MTMR6: variants seen among roughly 807,000 people sequenced by gnomAD.
MTMR6 encodes myotubularin related protein 6, also known as phosphatidylinositol-3,5-bisphosphate 3-phosphatase MTMR6.
A neutral mutation model predicts 80.1 loss-of-function variants in MTMR6; 47 were observed. The observed-to-expected ratio is 0.59, with a 90% CI of 0.46 to 0.75. The LOEUF is 0.75. Ranked by LOEUF, MTMR6 falls within the 30% of genes least tolerant of loss-of-function variation. The pLI is 0.00. For synonymous variants in MTMR6, 254 were observed against 253.0 expected (o/e 1.00, Z -0.04); for missense variants, 629 against 730.9 (o/e 0.86, Z 1.61).
At chr13:25,257,390 TAC>T in intron 8 of MTMR6, 69 bp from the exon 9 acceptor site, 1 of 1,555,864 alleles carries the variant, frequency 6.4e-7, no homozygotes. Context: ...TTGAAAATCA[TAC>T]TAGCAGGTAT....
In MTMR6 at chr13:25,254,971, C is replaced by T. The variant is rs543001243; in HGVS notation, c.1096-537G>A. 3.9e-5 allele frequency among the ~76,000 whole-genome samples: 6 copies of T among 152,260 alleles called. No individual in the cohort carries two copies. In the East Asian group the frequency reaches 9.6e-4, roughly 24 times the overall value. On this transcript the variant is annotated intron_variant, in intron 9 of 13. Coordinates refer to ENST00000381801, the MANE Select transcript of MTMR6 (RefSeq NM_004685.5). ...GTTCATGTTCAGATCCAAGTGTTAA[C>T]ATCTATCCTCTTGAATGGACTGACT...
Position 25,254,585 on chromosome 13 carries a change from A to C in MTMR6, c.1096-151T>G. On this transcript the variant is annotated intron_variant, in intron 9 of 13. Coordinates refer to ENST00000381801, the MANE Select transcript of MTMR6 (RefSeq NM_004685.5). The stretch of plus-strand genomic sequence containing the variant: ...AAAAAACCACAGGCAAAAGAATGCC[A>C]AAACCTTGATTCGAGGTGGGGTTAA... 3 of 631,300 alleles carry C rather than the reference A, an allele frequency of 4.8e-6. No homozygotes were observed. In the South Asian group the frequency reaches 5.7e-5, roughly 12 times the overall value. The allele number at this position is 631,300 out of a possible 1,614,324, so 39.1% of individuals were successfully genotyped here. A position where few individuals can be genotyped will look rare whatever the true frequency, so the allele number is the denominator to read the frequency against.
At chr13:25,274,961 T>TACACACATACAC (rs1957680496) in intron 1 of MTMR6, among the ~76,000 whole-genome samples, 2 of 104,990 alleles carry the variant, frequency 1.9e-5, no homozygotes, top group African/African-American at 7.0e-5. Context: ...CACACACACA[T>TACACACATACAC]ACACACACAC....
intron 10 of MTMR6, 49 bp from the exon 11 acceptor site, chr13:25,254,013 A>G (rs1957141156): frequency 1.3e-6 from 2 of 1,562,466 alleles, no homozygotes; most frequent in East Asian, 2.2e-5. Flanking sequence ...TGAAAGGTCC[A>G]TTGTTCAGGT....
intron 5 of MTMR6, among the ~76,000 whole-genome samples, chr13:25,263,665 T>A (rs1957389103): frequency 6.6e-6 from 1 of 152,278 alleles, no homozygotes; most frequent in Non-Finnish European, 1.5e-5. Flanking sequence ...GGCCGGTGGA[T>A]CACCTGAGGT....
rs1228406646 is a variant in MTMR6 at position 25,257,284 on chromosome 13, C to A, written c.1007G>T (p.Cys336Phe). Residue 336 changes from cysteine (C) to phenylalanine (F), a missense_variant, in exon 9 of 14, where the codon TGT becomes TTT. Physicochemically the swap from Cys to Phe is radical, Grantham distance 205. Coordinates refer to ENST00000381801, the MANE Select transcript of MTMR6 (RefSeq NM_004685.5). The part of the protein sequence containing the change: ...TVENASVLVH[C>F]SDGWDRTSQV... ...GGAAGTCCTATCCCAACCATCGGAACAATGCACCAACACACTTGCATTTTC... is the reference window on the plus strand; with the variant it reads ...GGAAGTCCTATCCCAACCATCGGAAAAATGCACCAACACACTTGCATTTTC... 1.2e-6 allele frequency: 2 copies of A among 1,613,902 alleles called. No individual in the cohort carries two copies. Among genetic ancestry groups the A allele is most frequent in the Admixed American group, 3.3e-5 (2 of 60,010 alleles).
At chr13:25,268,961 G>A (rs1957511412) in intron 2 of MTMR6, among the ~76,000 whole-genome samples, 2 of 152,182 alleles carry the variant, frequency 1.3e-5, no homozygotes, top group South Asian at 4.1e-4. Flanking sequence ...CTGTTCTGTG[G>A]TAGAGCAAAG....
intron 5 of MTMR6, among the ~76,000 whole-genome samples, chr13:25,265,045 G>A (rs1957426772): frequency 6.6e-6 from 1 of 152,088 alleles, no homozygotes; most frequent in South Asian, 2.1e-4. Flanking sequence ...AGGCTACAAA[G>A]GTAAGTTTTA....
At chr13:25,255,290 T>C (rs1009898438) in intron 9 of MTMR6, among the ~76,000 whole-genome samples, 3 of 152,254 alleles carry the variant, frequency 2.0e-5, no homozygotes, top group Admixed American at 2.0e-4. Flanking sequence ...TTGTGTGACC[T>C]TGTGGCTGGA....
intron 6 of MTMR6, chr13:25,260,724 A>G: frequency 9.5e-7 from 1 of 1,053,110 alleles, no homozygotes; most frequent in Non-Finnish European, 1.2e-6. Flanking sequence ...AGCTATTACC[A>G]CTGAGGATTT....
rs1208962978 is a variant in MTMR6, at chr13:25,247,615, G to C, written c.*1617C>G. On this transcript the variant is annotated 3_prime_UTR_variant, in exon 14 of 14. Transcript: ENST00000381801. Reference sequence around the variant, plus strand: ...CAGAGATTAAGTTTCCATTCCCAGTGCTTAAATATGGAAGCAGGATTGGTT... The same window carrying C: ...CAGAGATTAAGTTTCCATTCCCAGTCCTTAAATATGGAAGCAGGATTGGTT... 6.6e-6 allele frequency: 1 copy of C among 152,080 alleles called. No individual in the cohort carries two copies. The highest frequency in any genetic ancestry group is 1.5e-5 in the Non-Finnish European group (1 of 67,986). The allele number at this position is 152,080 out of a possible 1,614,324, so 9.4% of individuals were successfully genotyped here.
intron 11 of MTMR6, among the ~76,000 whole-genome samples, chr13:25,252,717 A>G (rs1957117222): frequency 7.4e-6 from 1 of 135,108 alleles, no homozygotes; most frequent in Admixed American, 7.6e-5. Flanking sequence ...TTTTCCTAAA[A>G]TAGCTCTGTA....
At chr13:25,264,671 C>T (rs1355780794) in intron 5 of MTMR6, among the ~76,000 whole-genome samples, 1 of 146,180 alleles carries the variant, frequency 6.8e-6, no homozygotes, top group Admixed American at 7.1e-5. Flanking sequence ...AGGAGAATCG[C>T]TTGAACCCGG....
Position 25,257,767 on chromosome 13 carries a change from G to A in MTMR6, c.938C>T (p.Ala313Val). 1 of 1,613,610 alleles carries A rather than the reference G, an allele frequency of 6.2e-7. No homozygotes were observed. The highest frequency in any genetic ancestry group is 8.5e-7 in the Non-Finnish European group (1 of 1,179,618). The change falls in exon 8 of 14, where the codon GCT becomes GTT. Residue 313 changes from alanine to valine, a missense_variant. Physicochemically the swap from Ala to Val is moderately conservative, Grantham distance 64 (BLOSUM62 0). Transcript: ENST00000381801. ...CAAGAAGATTGCAGCATCCATAACAGCTTTGATATGGCGAAGCCATCCCGA... is the reference window on the plus strand; with the variant it reads ...CAAGAAGATTGCAGCATCCATAACAACTTTGATATGGCGAAGCCATCCCGA... ...ESSGWLRHIK[A>V]VMDAAIFLAK... is the part of the protein sequence containing the mutation.
chr13:25,273,987 T>C (rs1957643896), intron 2 of MTMR6, 84 bp downstream of exon 2: 3 of 964,478 alleles, frequency 3.1e-6, no homozygotes, highest in Non-Finnish European at 4.6e-6. Context: ...TGATTAAAAA[T>C]TGTGTTATAC....
intron 1 of MTMR6, among the ~76,000 whole-genome samples, chr13:25,286,104 TA>T (rs928536291): frequency 1.4e-4 from 21 of 151,434 alleles, no homozygotes; most frequent in African/African-American, 3.1e-4. Context: ...TTTCTTCTCT[TA>T]AAAAAAAATG....
chr13:25,249,385 T>C lies in MTMR6; in HGVS notation c.1713A>G (p.Lys571=). Residue 571 remains lysine (K), a synonymous_variant, in exon 14 of 14, where the codon AAA becomes AAG. Coordinates refer to ENST00000381801, the MANE Select transcript of MTMR6 (RefSeq NM_004685.5). The part of the protein sequence containing the change: ...SPNLKTSLCF[K]EQTLLPVNDA... ...CATTTACGGGTAGCAGAGTCTGCTC[T>C]TTAAAACACAGGGAAGTTTTGAGGT... 6.2e-7 allele frequency: 1 copy of C among 1,614,172 alleles called. No individual in the cohort carries two copies. Among genetic ancestry groups the C allele is most frequent in the Non-Finnish European group, 8.5e-7 (1 of 1,179,984 alleles).
intron 11 of MTMR6, 74 bp from the exon 12 acceptor site, chr13:25,252,058 A>T (rs1421598361): frequency 1.3e-6 from 2 of 1,497,676 alleles, no homozygotes; most frequent in Admixed American, 4.3e-5. Context: ...CATTTTTATA[A>T]ATCAGGCGAT....
chr13:25,282,067 T>G (rs887227527), intron 1 of MTMR6, among the ~76,000 whole-genome samples: 3 of 152,214 alleles, frequency 2.0e-5, no homozygotes, highest in Non-Finnish European at 4.4e-5. Flanking sequence ...GTGCTCTTCT[T>G]CACTCACCCT....
Sources: allele counts gnomAD v4.1 joint callset (sites outside exome capture counted in the v4.1 genomes callset), GRCh38; gene constraint gnomAD v4.1.1; transcripts MANE v1.5; gene names NCBI Gene and HGNC (gene_info 2026-07-23, HGNC 2026-07-21).